The following VDAC1 variants were observed in gnomAD, a reference collection of about 807,000 sequenced individuals.
The protein encoded by VDAC1 is non-selective voltage-gated ion channel VDAC1.
Under a neutral mutation model 34.7 loss-of-function variants are expected in VDAC1, and 10 were observed. The observed-to-expected ratio is 0.29, with a 90% CI of 0.18 to 0.49. The LOEUF (loss-of-function observed/expected upper bound fraction) is 0.49, where lower values mean the gene tolerates loss of function less well. VDAC1 is among the 20% of genes least tolerant of loss of function. The pLI, the probability that VDAC1 is intolerant of heterozygous loss-of-function variation, is 0.99. For synonymous variants in VDAC1, 130 were observed against 136.0 expected, an observed-to-expected ratio of 0.96 and a Z score of 0.30; for missense variants, 230 against 347.9, an observed-to-expected ratio of 0.66 and a Z score of 2.69.
chr5:134,039,596 T>C, the VDAC1 span, among the ~76,000 whole-genome samples: 1 of 152,214 alleles, frequency 6.6e-6, no homozygotes, highest in Admixed American at 6.5e-5. Flanking sequence ...CCCAAAGTGC[T>C]GGGATTACAG....
the VDAC1 span, among the ~76,000 whole-genome samples, chr5:134,105,627 A>G: frequency 6.6e-6 from 1 of 152,234 alleles, no homozygotes. Context: ...AAGACGGAGG[A>G]GTCCTGTTGG....
chr5:134,021,370 A>T, the VDAC1 span, among the ~76,000 whole-genome samples: 1 of 143,026 alleles, frequency 7.0e-6, no homozygotes, highest in Non-Finnish European at 1.5e-5. Context: ...CTGGTGTGTG[A>T]TGTTCCCCAC....
At chr5:133,977,262 A>C (rs1396621878) in intron 6 of VDAC1, among the ~76,000 whole-genome samples, 2 of 152,160 alleles carry the variant, frequency 1.3e-5, no homozygotes, top group Non-Finnish European at 1.5e-5. Context: ...TCCACAATTC[A>C]TCTCGTCCAC....
the VDAC1 span, among the ~76,000 whole-genome samples, chr5:134,015,738 G>A: frequency 6.6e-5 from 10 of 151,644 alleles, no homozygotes; most frequent in East Asian, 3.9e-4. Context: ...TCCGCCTCCC[G>A]GGTTCAAGCG....
intron 1 of VDAC1, among the ~76,000 whole-genome samples, chr5:134,002,980 T>G (rs34133155): frequency 0.11 from 16,327 of 142,222 alleles, 1,006 homozygotes; most frequent in South Asian, 0.23. Context: ...AAAAAAAAAG[T>G]CCAGGATCAA....
At chr5:133,994,006 T>G (rs1010862865) in intron 1 of VDAC1, among the ~76,000 whole-genome samples, 1 of 152,194 alleles carries the variant, frequency 6.6e-6, no homozygotes, top group Non-Finnish European at 1.5e-5. Flanking sequence ...GAATCATTAG[T>G]CTCAACCAGA....
At chr5:134,062,708 C>A in the VDAC1 span, among the ~76,000 whole-genome samples, 4 of 151,646 alleles carry the variant, frequency 2.6e-5, no homozygotes, top group African/African-American at 9.7e-5. Context: ...CTCACTGCAA[C>A]CTCTACCTCC....
chr5:134,106,652 C>T, the VDAC1 span, among the ~76,000 whole-genome samples: 1 of 152,090 alleles, frequency 6.6e-6, no homozygotes, highest in Middle Eastern at 3.2e-3. Context: ...GTGATCCACC[C>T]GCCTCAGCCT....
At chr5:134,038,897 C>A in the VDAC1 span, among the ~76,000 whole-genome samples, 2 of 104,258 alleles carry the variant, frequency 1.9e-5, no homozygotes, top group Non-Finnish European at 3.7e-5. Context: ...AAAATGAACC[C>A]ATTTTGTGTC....
the VDAC1 span, among the ~76,000 whole-genome samples, chr5:134,014,566 C>T: frequency 6.6e-6 from 1 of 152,082 alleles, no homozygotes; most frequent in Non-Finnish European, 1.5e-5. Context: ...TACCATTCCA[C>T]CCAAAGGAAA....
chr5:134,107,188 T>A, the VDAC1 span, among the ~76,000 whole-genome samples: 1 of 152,200 alleles, frequency 6.6e-6, no homozygotes, highest in South Asian at 2.1e-4. Flanking sequence ...CCGGGCCAAG[T>A]GATGGGCAAA....
the VDAC1 span, among the ~76,000 whole-genome samples, chr5:134,055,896 C>T: frequency 6.6e-6 from 1 of 151,856 alleles, no homozygotes; most frequent in Non-Finnish European, 1.5e-5. Flanking sequence ...TGCAAGCACA[C>T]ATGCATTCAC....
chr5:134,022,205 G>A, the VDAC1 span, among the ~76,000 whole-genome samples: 22 of 152,274 alleles, frequency 1.4e-4, no homozygotes, highest in African/African-American at 4.3e-4. Flanking sequence ...ACATAATATC[G>A]TGAAAAGAAG....
At chr5:134,028,018 G>A in the VDAC1 span, among the ~76,000 whole-genome samples, 21 of 151,818 alleles carry the variant, frequency 1.4e-4, no homozygotes, top group African/African-American at 5.1e-4. Flanking sequence ...TGATCTGCCT[G>A]CCTTGGCCTC....
At chr5:134,079,326 G>A in the VDAC1 span, among the ~76,000 whole-genome samples, 1 of 152,214 alleles carries the variant, frequency 6.6e-6, no homozygotes, top group Non-Finnish European at 1.5e-5. Flanking sequence ...TGGCCCATAC[G>A]TGGAATGGGA....
the VDAC1 span, among the ~76,000 whole-genome samples, chr5:134,062,953 G>A: frequency 6.6e-6 from 1 of 152,158 alleles, no homozygotes; most frequent in Non-Finnish European, 1.5e-5. Context: ...GTTTAAATAA[G>A]AGAGGGATAT....
chr5:133,974,854 G>A (rs1366442289), intron 7 of VDAC1, among the ~76,000 whole-genome samples: 1 of 152,166 alleles, frequency 6.6e-6, no homozygotes, highest in Non-Finnish European at 1.5e-5. Flanking sequence ...ATGGGAGGGT[G>A]AGGCAGTAGA....
chr5:134,089,448 A>G, the VDAC1 span, among the ~76,000 whole-genome samples: 1 of 152,198 alleles, frequency 6.6e-6, no homozygotes, highest in African/African-American at 2.4e-5. Context: ...GGAGCCTATA[A>G]CCCATATGAA....
the VDAC1 span, among the ~76,000 whole-genome samples, chr5:134,107,376 C>A: frequency 6.6e-6 from 1 of 152,214 alleles, no homozygotes; most frequent in Non-Finnish European, 1.5e-5. Context: ...GCTCTGACTG[C>A]TAGACGTGCT....
Sources: gnomAD v4.1 joint callset for allele counts (sites outside exome capture counted in the v4.1 genomes callset) on GRCh38, gnomAD v4.1.1 for gene constraint, MANE v1.5 for transcripts, NCBI Gene and HGNC (gene_info 2026-07-23, HGNC 2026-07-21) for gene names.